Variants in LAYN observed in about 807,000 individuals in gnomAD.
LAYN encodes layilin.
Under a neutral mutation model 43.6 loss-of-function variants are expected in LAYN, and 38 were observed. The ratio of observed to expected loss-of-function variants is 0.87; its 90% CI spans 0.67 to 1.14. The LOEUF (loss-of-function observed/expected upper bound fraction) is 1.14, where lower values mean the gene tolerates loss of function less well. Ranked by LOEUF, LAYN falls within the 50% of genes most tolerant of loss-of-function variation. LAYN has a pLI of 0.00. For missense variants in LAYN, 479 were observed against 463.8 expected, an observed-to-expected ratio of 1.03 and a Z score of -0.30; for synonymous variants, 168 against 172.9, an observed-to-expected ratio of 0.97 and a Z score of 0.22.
Position 111,554,698 on chromosome 11 carries a change from C to T in LAYN, c.574+105C>T, listed in dbSNP as rs1867803953. On this transcript the variant is annotated intron_variant, in intron 4 of 6. Transcript: ENST00000375614. ...TGGACTGGATTATTCAACAGAAAAACTAGTGGTATTAACTCAGGCATTTGG... is the reference window on the plus strand; with the variant it reads ...TGGACTGGATTATTCAACAGAAAAATTAGTGGTATTAACTCAGGCATTTGG... 5.1e-6 allele frequency: 5 copies of T among 988,628 alleles called. No individual in the cohort carries two copies. In the South Asian group the frequency reaches 6.8e-5, roughly 13 times the overall value. The allele number at this position is 988,628 out of a possible 1,614,324, so 61.2% of individuals were successfully genotyped here.
intron 5 of LAYN, 74 bp downstream of exon 5, chr11:111,555,364 C>T (rs774041535): frequency 5.5e-6 from 6 of 1,097,940 alleles, no homozygotes; most frequent in Non-Finnish European, 8.2e-6. Context: ...GGTTGAATTC[C>T]CTACTTTGTT....
intron 2 of LAYN, 113 bp from the exon 3 acceptor site, chr11:111,549,505 C>A: frequency 2.3e-6 from 2 of 881,928 alleles, no homozygotes; most frequent in African/African-American, 3.5e-5. Context: ...GTATCATGTT[C>A]TGAGGCAGAA....
chr11:111,540,704 C>A, upstream of LAYN: 1 of 787,124 alleles, frequency 1.3e-6, no homozygotes, highest in Non-Finnish European at 1.9e-6. Flanking sequence ...ACTCCGCGCC[C>A]TCCCCCCCGC....
rs763083207 is a variant in LAYN, at chr11:111,560,100, G to A, written c.767G>A (p.Arg256Gln). The change falls in exon 7 of 7, where the codon CGG becomes CAG. Residue 256 changes from arginine (R) to glutamine (Q), a missense_variant. Physicochemically the swap from Arg to Gln is conservative, Grantham distance 43 (BLOSUM62 1). Coordinates refer to ENST00000375614, the MANE Select transcript of LAYN (RefSeq NM_178834.5). ...CWVWICRKRK[R>Q]EQPDPSTKKQ... ...CTGGTTTTCTTTCTTCCTAGAAAAC[G>A]GGAGCAGCCAGACCCTAGCACAAAG... is the stretch of plus-strand genomic sequence containing the variant. 4.4e-6 allele frequency: 7 copies of A among 1,596,292 alleles called. No homozygotes were observed. Among genetic ancestry groups the A allele is most frequent in the African/African-American group, 2.7e-5 (2 of 73,852 alleles).
At chr11:111,541,247 T>A in intron 1 of LAYN, 1 of 590,510 alleles carries the variant, frequency 1.7e-6, no homozygotes, top group South Asian at 2.0e-5. Flanking sequence ...TGGGTGCCCC[T>A]TCGGCCCGCT....
At position 111,560,342 on chromosome 11, in the gene LAYN, ACT is replaced by A. The variant is rs1282780492; in HGVS notation, c.1012_1013del (p.Leu338GlyfsTer11). Reference sequence around the variant, plus strand: ...GAACCCATCAGAAAGTGGGTTTGTGACTCTGGTGAGCGTGGAGAGTGGATTTG... The same window carrying A: ...GAACCCATCAGAAAGTGGGTTTGTGACTGGTGAGCGTGGAGAGTGGATTTG... ...AVNPSESGFV[T>X]LVSVESGFVT... On this transcript the variant is annotated frameshift_variant, in exon 7 of 7. Transcript: ENST00000375614. LOFTEE classifies it high-confidence loss of function. 1.2e-6 allele frequency: 2 copies of A among 1,614,076 alleles called. No individual in the cohort carries two copies. The highest frequency in any genetic ancestry group is 1.1e-5 in the South Asian group (1 of 91,074).
In LAYN at chr11:111,557,623, G is replaced by A. The variant is rs767823253; in HGVS notation, c.741G>A (p.Trp247Ter). 2.2e-5 allele frequency: 36 copies of A among 1,613,678 alleles called. No homozygotes were observed. In the Admixed American group the frequency reaches 6.0e-4, roughly 27 times the overall value. The change falls in exon 6 of 7, where the codon TGG becomes TGA. Residue 247 changes from tryptophan to a stop codon, truncating the protein, a stop_gained. Transcript: ENST00000375614. LOFTEE classifies it high-confidence loss of function. ...LLLVVTTVVC[W>*]VWICRKRKRE... ...TTGTGGTCACCACAGTTGTATGTTGGGTTTGGATCTGTAGAAAAAGGCAAG... is the reference window on the plus strand; with the variant it reads ...TTGTGGTCACCACAGTTGTATGTTGAGTTTGGATCTGTAGAAAAAGGCAAG...
upstream of LAYN, chr11:111,540,607 C>T (rs1182158359): frequency 4.0e-6 from 2 of 501,442 alleles, no homozygotes; most frequent in African/African-American, 2.1e-5. Flanking sequence ...GCGCCAACCT[C>T]GCTGGAGGAG....
chr11:111,540,587 C>T (rs1247858530), upstream of LAYN: 1 of 492,106 alleles, frequency 2.0e-6, no homozygotes, highest in Non-Finnish European at 3.6e-6. Context: ...TCTGGCTGGC[C>T]GAGTGTCTGG....
chr11:111,541,380 C>G, intron 1 of LAYN: 1 of 640,194 alleles, frequency 1.6e-6, no homozygotes, highest in East Asian at 2.7e-5. Flanking sequence ...ATGCTGGATC[C>G]CCGGTGCCGT....
intron 2 of LAYN, among the ~76,000 whole-genome samples, chr11:111,548,212 T>C (rs1031057642): frequency 2.6e-5 from 4 of 152,180 alleles, no homozygotes; most frequent in African/African-American, 7.2e-5. Context: ...ATATTCCCTC[T>C]TCCCCGCTGT....
At chr11:111,546,415 C>A (rs200348559) in intron 2 of LAYN, among the ~76,000 whole-genome samples, 55 of 152,298 alleles carry the variant, frequency 3.6e-4, no homozygotes, top group South Asian at 2.1e-4. Flanking sequence ...AAAGCTCTGG[C>A]CATTGGGAAG....
intron 2 of LAYN, among the ~76,000 whole-genome samples, chr11:111,547,936 A>G (rs190900063): frequency 5.8e-4 from 88 of 152,310 alleles, no homozygotes; most frequent in Non-Finnish European, 1.1e-3. Context: ...GTAGACCAAG[A>G]GACGACGCAG....
rs1442886014 is a variant in LAYN at position 111,560,419 on chromosome 11, G to C, written c.1086G>C (p.Lys362Asn). The change falls in exon 7 of 7, where the codon AAG (lysine) becomes AAC (asparagine). Residue 362 changes from lysine (K) to asparagine (N), a missense_variant. Transcript: ENST00000375614. The part of the protein sequence containing the change: ...EFSPDQMGRS[K>N]ESGWVENEIY... ...CCCCAGACCAAATGGGGAGGAGTAA[G>C]GAGTCTGGATGGGTGGAAAATGAAA... 1 of 1,614,106 alleles carries C rather than the reference G, an allele frequency of 6.2e-7. No individual in the cohort carries two copies. The highest frequency in any genetic ancestry group is 1.1e-5 in the South Asian group (1 of 91,074).
rs12287869 is a variant in LAYN at position 111,546,698 on chromosome 11, G to A, written c.383+2478G>A. ...GGATGTACCTCTTCCATCTTACAAC[G>A]GATCTATTCCAAGCTTGCCTAATCT... On this transcript the variant is annotated intron_variant, in intron 2 of 6. Transcript: ENST00000375614. Among the ~76,000 whole-genome samples, 559 of 152,270 alleles carry A rather than the reference G, an allele frequency of 3.7e-3. 4 individuals are homozygous for A. Among genetic ancestry groups the A allele is most frequent in the African/African-American group, 0.013 (532 of 41,542 alleles).
At chr11:111,552,583 T>C (rs1867763065) in intron 3 of LAYN, among the ~76,000 whole-genome samples, 1 of 152,234 alleles carries the variant, frequency 6.6e-6, no homozygotes, top group Non-Finnish European at 1.5e-5. Flanking sequence ...CACAGGCATA[T>C]TCAGTGAATA....
chr11:111,553,656 C>T (rs1313426161), intron 3 of LAYN, among the ~76,000 whole-genome samples: 8 of 150,444 alleles, frequency 5.3e-5, no homozygotes, highest in Admixed American at 2.7e-4. Flanking sequence ...AACAGTTTCT[C>T]TCATATAGTA....
rs1867598191 is a variant in LAYN, at chr11:111,544,041, C to G, written c.204C>G (p.Gly68=). The G allele has an allele frequency of 6.2e-7, 1 of 1,614,028 alleles. No individual in the cohort carries two copies. Among genetic ancestry groups the G allele is most frequent in the African/African-American group, 1.3e-5 (1 of 74,908 alleles). ...EAKEACRRDG[G]QLVSIESEDE... Reference sequence around the variant, plus strand: ...AAGAAGCCTGCAGGAGGGATGGAGGCCAGCTAGTCAGCATCGAGTCTGAAG... The same window carrying G: ...AAGAAGCCTGCAGGAGGGATGGAGGGCAGCTAGTCAGCATCGAGTCTGAAG... Residue 68 remains glycine, a synonymous_variant, in exon 2 of 7, where the codon GGC becomes GGG. Transcript: ENST00000375614.
At chr11:111,555,376 T>C in intron 5 of LAYN, 86 bp downstream of exon 5, 1 of 944,250 alleles carries the variant, frequency 1.1e-6, no homozygotes, top group South Asian at 1.5e-5. Context: ...TACTTTGTTC[T>C]TTCCCACAGC....
Sources: gnomAD v4.1 joint callset for allele counts (sites outside exome capture counted in the v4.1 genomes callset) on GRCh38, gnomAD v4.1.1 for gene constraint, MANE v1.5 for transcripts, NCBI Gene and HGNC (gene_info 2026-07-23, HGNC 2026-07-21) for gene names.